The following UST variants were observed in gnomAD, a reference collection of about 807,000 sequenced individuals.
UST encodes chondroitin sulfate 2-O-sulfotransferase.
In UST, 21 loss-of-function variants were observed where a neutral mutation model predicts 45.6. The ratio of observed to expected loss-of-function variants is 0.46; its 90% confidence interval spans 0.33 to 0.66. The LOEUF (loss-of-function observed/expected upper bound fraction) is 0.66. UST is among the 30% of genes least tolerant of loss of function. The pLI is 0.02. For missense variants in UST, 463 were observed against 512.4 expected (o/e 0.90, Z 0.93); for synonymous variants, 215 against 200.6 (o/e 1.07, Z -0.61).
At position 148,747,483 on chromosome 6, in the gene UST, G is replaced by A; in HGVS notation, c.53G>A (p.Gly18Glu). Reference protein sequence around the residue: ...PGGGADPWPHGAPMGGAPPGL... With the variant: ...PGGGADPWPHEAPMGGAPPGL... ...GGCGGCGCGGATCCCTGGCCCCATG[G>A]GGCCCCTATGGGGGGCGCCCCTCCG... Residue 18 changes from glycine to glutamate, a missense_variant, in exon 1 of 8, where the codon GGG becomes GAG. This residue lies in a region of UST where 176 missense variants were observed against 138.3 expected (regional missense o/e 1.27). Coordinates refer to ENST00000367463, the MANE Select transcript of UST (RefSeq NM_005715.3). 6.7e-7 allele frequency: 1 copy of A among 1,491,866 alleles called. No individual in the cohort carries two copies. Among genetic ancestry groups the A allele is most frequent in the Non-Finnish European group, 8.9e-7 (1 of 1,120,400 alleles). The allele number at this position is 1,491,866 out of a possible 1,614,324, so 92.4% of individuals were successfully genotyped here. A position where few individuals can be genotyped will look rare whatever the true frequency, so the allele number is the denominator to read the frequency against.
chr6:148,976,245 C>T (rs978493582), intron 5 of UST, among the ~76,000 whole-genome samples: 12 of 152,130 alleles, frequency 7.9e-5, no homozygotes, highest in African/African-American at 2.9e-4. Flanking sequence ...GTGGTATGCT[C>T]ATAAATGTTT....
intron 5 of UST, among the ~76,000 whole-genome samples, chr6:148,985,949 C>G (rs12194615): frequency 0.37 from 55,609 of 152,054 alleles, 10,597 homozygotes; most frequent in Non-Finnish European, 0.43. Flanking sequence ...GAAGAGCCAT[C>G]AAACCCATAG....
At chr6:149,070,687 A>G (rs1235805590) in intron 7 of UST, among the ~76,000 whole-genome samples, 1 of 151,752 alleles carries the variant, frequency 6.6e-6, no homozygotes. Flanking sequence ...TAATCTCATC[A>G]TGGAGAATGG....
intron 2 of UST, among the ~76,000 whole-genome samples, chr6:148,898,044 G>A (rs1779170627): frequency 6.6e-6 from 1 of 152,068 alleles, no homozygotes. Flanking sequence ...AAGTGAAGCT[G>A]CTTTTCATTT....
At chr6:148,956,891 A>G (rs1405956444) in intron 4 of UST, among the ~76,000 whole-genome samples, 2 of 152,216 alleles carry the variant, frequency 1.3e-5, no homozygotes, top group Admixed American at 1.3e-4. Flanking sequence ...GGGTGGTCAC[A>G]GGGCTTCCCC....
At chr6:148,992,936 A>T in intron 5 of UST, 2 of 942,500 alleles carry the variant, frequency 2.1e-6, no homozygotes, top group Non-Finnish European at 2.5e-6. Flanking sequence ...TAAAATACTT[A>T]GGATTACAAA....
intron 1 of UST, among the ~76,000 whole-genome samples, chr6:148,804,793 G>T (rs1777115968): frequency 6.7e-6 from 1 of 150,056 alleles, no homozygotes; most frequent in African/African-American, 2.4e-5. Flanking sequence ...CACTTTTTCG[G>T]TGTGCTTACT....
In UST at chr6:148,747,652, C is replaced by T. The variant is rs763389036; in HGVS notation, c.222C>T (p.Phe74=). ...AGCTCAGCGGGGGACCCCCTCGCTT[C>T]CTGCTCGACCTGCGGCAGTACTTGG... is the stretch of plus-strand genomic sequence containing the variant. ...LYQLSGGPPR[F]LLDLRQYLGN... The change falls in exon 1 of 8, where the codon TTC becomes TTT. Residue 74 remains phenylalanine (F), a synonymous_variant. Transcript: ENST00000367463. The T allele has an allele frequency of 2.5e-6, 4 of 1,598,520 alleles. No individual in the cohort carries two copies. The highest frequency in any genetic ancestry group is 2.3e-5 in the South Asian group (2 of 88,778).
At chr6:148,761,591 C>T (rs997315940) in intron 1 of UST, among the ~76,000 whole-genome samples, 7 of 151,644 alleles carry the variant, frequency 4.6e-5, no homozygotes, top group African/African-American at 1.5e-4. Flanking sequence ...ATTTTTACCA[C>T]AGTGGGGAAG....
At chr6:148,768,107 C>T (rs1242819413) in intron 1 of UST, among the ~76,000 whole-genome samples, 2 of 152,142 alleles carry the variant, frequency 1.3e-5, no homozygotes, top group Admixed American at 1.3e-4. Context: ...TTGTATATTT[C>T]ACTAGGAGTC....
intron 1 of UST, among the ~76,000 whole-genome samples, chr6:148,847,551 G>C (rs1157391066): frequency 6.6e-6 from 1 of 152,192 alleles, no homozygotes; most frequent in African/African-American, 2.4e-5. Context: ...CCCCTCGTGT[G>C]GTTGTTTGTA....
At chr6:148,762,748 G>A (rs1776245348) in intron 1 of UST, among the ~76,000 whole-genome samples, 1 of 150,604 alleles carries the variant, frequency 6.6e-6, no homozygotes, top group Non-Finnish European at 1.5e-5. Context: ...ATGTCCATGT[G>A]TACCCATTGT....
At chr6:148,796,654 G>C (rs557535445) in intron 1 of UST, among the ~76,000 whole-genome samples, 1 of 144,226 alleles carries the variant, frequency 6.9e-6, no homozygotes, top group Admixed American at 6.9e-5. Flanking sequence ...AAAAGAGCTG[G>C]AAGGGAGAGA....
intron 5 of UST, among the ~76,000 whole-genome samples, chr6:148,992,400 C>T (rs1235722603): frequency 6.6e-6 from 1 of 152,060 alleles, no homozygotes; most frequent in Non-Finnish European, 1.5e-5. Context: ...ACCCGAGGGG[C>T]GGAGCTTGCA....
At position 149,012,802 on chromosome 6, in the gene UST, T is replaced by G. The variant is rs62426148; in HGVS notation, c.682-6337T>G. Among the ~76,000 whole-genome samples, 6 of 83,628 alleles carry G rather than the reference T, an allele frequency of 7.2e-5. No homozygotes were observed. The South Asian group carries it at 1.8e-3, about 25-fold the overall frequency. The allele number at this position is 83,628 out of a possible 152,430, so 54.9% of individuals were successfully genotyped here. A position where few individuals can be genotyped will look rare whatever the true frequency, so the allele number is the denominator to read the frequency against. On this transcript the variant is annotated intron_variant, in intron 5 of 7. Coordinates refer to ENST00000367463, the MANE Select transcript of UST (RefSeq NM_005715.3). ...CTCTGTGAGTTAGCCAGAGTCACTA[T>G]TTAAAAAAAAAAAAAAAAAAACTAT...
intron 1 of UST, among the ~76,000 whole-genome samples, chr6:148,877,257 G>A (rs1177452675): frequency 6.6e-5 from 3 of 45,786 alleles, no homozygotes; most frequent in South Asian, 2.9e-3. Context: ...GTGTGGGTGC[G>A]GGGGGTCGTG....
chr6:148,815,892 G>A (rs909076501), intron 1 of UST, among the ~76,000 whole-genome samples: 2 of 152,174 alleles, frequency 1.3e-5, no homozygotes, highest in Admixed American at 1.3e-4. Flanking sequence ...TTAGAGACAG[G>A]CTGTGAGTCC....
intron 2 of UST, among the ~76,000 whole-genome samples, chr6:148,940,350 A>G (rs2114921659): frequency 6.6e-6 from 1 of 151,798 alleles, no homozygotes. Context: ...TACAAAAATT[A>G]GCCAGTCGTG....
chr6:148,938,831 C>G (rs998636600), intron 2 of UST, among the ~76,000 whole-genome samples: 1 of 150,890 alleles, frequency 6.6e-6, no homozygotes, highest in African/African-American at 2.4e-5. Context: ...AGTAGTATAT[C>G]AAGATAAGAA....
Sources: allele counts gnomAD v4.1 joint callset (sites outside exome capture counted in the v4.1 genomes callset), GRCh38; gene constraint gnomAD v4.1.1; regional missense constraint gnomAD v4.1.1; transcripts MANE v1.5; gene names NCBI Gene and HGNC (gene_info 2026-07-23, HGNC 2026-07-21).